The following LZIC variants were observed in gnomAD, a reference collection of about 807,000 sequenced individuals.
The protein encoded by LZIC is protein LZIC.
A neutral mutation model predicts 25.4 loss-of-function variants in LZIC; 28 were observed. The observed-to-expected ratio is 1.10, with a 90% CI of 0.82 to 1.51. LZIC has a LOEUF of 1.51. LZIC is among the 40% of genes most tolerant of loss of function. The pLI is 0.00. For synonymous variants in LZIC, 65 were observed against 70.7 expected (o/e 0.92, Z 0.40); for missense variants, 170 against 211.1 (o/e 0.81, Z 1.21).
rs907314553 is a variant in LZIC, at chr1:9,934,874, A to G, written c.238-14T>C. ...TGCCTGAATAGCCTAGAAACACAAG[A>G]AGGCAAAAACTAACCAAAATAGTCC... On this transcript the variant is annotated splice_polypyrimidine_tract_variant and intron_variant, in intron 4 of 7. Coordinates refer to ENST00000377223, the MANE Select transcript of LZIC (RefSeq NM_032368.5). 9 of 1,605,260 alleles carry G rather than the reference A, an allele frequency of 5.6e-6. No individual in the cohort carries two copies. The East Asian group carries it at 6.7e-5, about 12-fold the overall frequency.
At chr1:9,936,730 G>T in intron 2 of LZIC, 103 bp from the exon 3 acceptor site, 1 of 743,420 alleles carries the variant, frequency 1.3e-6, no homozygotes, top group Non-Finnish European at 2.2e-6. Context: ...ATGTTGCCCA[G>T]GCTGGTCTCG....
rs1640039309 is a variant in LZIC, at chr1:9,927,775, C to T, written c.*2624G>A. Reference sequence around the variant, plus strand: ...CTCGGCTCACCGAAACCTCTGCCTCCCAGGTTCAAGTGATTCTCCTGCCTC... The same window carrying T: ...CTCGGCTCACCGAAACCTCTGCCTCTCAGGTTCAAGTGATTCTCCTGCCTC... On this transcript the variant is annotated 3_prime_UTR_variant, in exon 8 of 8. Coordinates refer to ENST00000377223, the MANE Select transcript of LZIC (RefSeq NM_032368.5). 6.7e-6 allele frequency among the ~76,000 whole-genome samples: 1 copy of T among 150,296 alleles called. No homozygotes were observed. The highest frequency in any genetic ancestry group is 1.5e-5 in the Non-Finnish European group (1 of 67,788).
At chr1:9,922,280 A>G, downstream of LZIC, 2 of 985,144 alleles carry the variant, frequency 2.0e-6, no homozygotes, top group Non-Finnish European at 2.4e-6. Context: ...CTTTAACAGG[A>G]AGCTAATCTT....
At chr1:9,937,050 G>A (rs1640491424) in intron 2 of LZIC, among the ~76,000 whole-genome samples, 1 of 151,732 alleles carries the variant, frequency 6.6e-6, no homozygotes, top group African/African-American at 2.4e-5. Context: ...GATCACCTGA[G>A]GTCAGGAGTT....
intron 4 of LZIC, 95 bp downstream of exon 4, chr1:9,935,397 C>CA: frequency 7.3e-7 from 1 of 1,364,206 alleles, no homozygotes; most frequent in Non-Finnish European, 9.9e-7. Context: ...CACTGCACTC[C>CA]AGCCTGGGCG....
chr1:9,936,710 G>A, intron 2 of LZIC, 83 bp from the exon 3 acceptor site: 1 of 895,124 alleles, frequency 1.1e-6, no homozygotes, highest in Admixed American at 2.0e-5. Flanking sequence ...TGTAGAGACA[G>A]AGTCTCACTA....
In LZIC at chr1:9,929,822, A is replaced by G. The variant is rs1640133494; in HGVS notation, c.*577T>C. The G allele has an allele frequency of 1.0e-6, 1 of 984,004 alleles. No individual in the cohort carries two copies. Among genetic ancestry groups the G allele is most frequent in the Non-Finnish European group, 1.2e-6 (1 of 828,772 alleles). The allele number at this position is 984,004 out of a possible 1,614,324, so 61.0% of individuals were successfully genotyped here. ...TTAAATGGTACAGAAATAAAATTCA[A>G]AAGATACTAAACTGGGAGTCAGGAC... is the stretch of plus-strand genomic sequence containing the variant. On this transcript the variant is annotated 3_prime_UTR_variant, in exon 8 of 8. Transcript: ENST00000377223.
intron 1 of LZIC, 197 bp from the exon 2 acceptor site, chr1:9,942,979 C>T: frequency 2.8e-6 from 1 of 350,972 alleles, no homozygotes; most frequent in South Asian, 2.2e-5. Context: ...AATCCCGCAT[C>T]CGGACACGCC....
At chr1:9,932,104 G>GT in intron 6 of LZIC, 132 bp from the exon 7 acceptor site, 1 of 14,642 alleles carries the variant, frequency 6.8e-5, no homozygotes. Flanking sequence ...GGAGGCGTGG[G>GT]GGGGGGGGGG....
intron 2 of LZIC, 86 bp downstream of exon 2, chr1:9,942,538 A>G: frequency 1.9e-6 from 1 of 524,102 alleles, no homozygotes. Context: ...TAGTCACTAA[A>G]TGTGGTGCAC....
In LZIC at chr1:9,926,858, T is replaced by C. The variant is rs751111567; in HGVS notation, c.*3541A>G. ...AGAAGTGGAAGAGAAACACAGTTTA[T>C]AAGTCATTTAATAACTATAATTGCA... On this transcript the variant is annotated 3_prime_UTR_variant, in exon 8 of 8. Transcript: ENST00000377223. 2.6e-5 allele frequency among the ~76,000 whole-genome samples: 4 copies of C among 152,256 alleles called. No individual in the cohort carries two copies. Among genetic ancestry groups the C allele is most frequent in the Non-Finnish European group, 5.9e-5 (4 of 68,048 alleles).
At chr1:9,934,624 A>G in intron 5 of LZIC, 138 bp downstream of exon 5, 1 of 721,554 alleles carries the variant, frequency 1.4e-6, no homozygotes, top group South Asian at 1.7e-5. Flanking sequence ...TAATTGCTCA[A>G]AGTACTAATT....
At chr1:9,936,694 A>AT in intron 2 of LZIC, 67 bp from the exon 3 acceptor site, 2 of 1,082,240 alleles carry the variant, frequency 1.8e-6, no homozygotes, top group Non-Finnish European at 2.8e-6. Flanking sequence ...TTTAAGTTTT[A>AT]TTTTTTGTAG....
At chr1:9,942,545 G>T in intron 2 of LZIC, 79 bp downstream of exon 2, 1 of 578,594 alleles carries the variant, frequency 1.7e-6, no homozygotes, top group Non-Finnish European at 2.7e-6. Context: ...TAAATGTGGT[G>T]CACTTTTCAC....
chr1:9,929,737 T>G lies in LZIC; in HGVS notation c.*662A>C. The G allele has an allele frequency of 2.0e-6, 2 of 985,396 alleles. No individual in the cohort carries two copies. Among genetic ancestry groups the G allele is most frequent in the Non-Finnish European group, 2.4e-6 (2 of 829,890 alleles). The allele number at this position is 985,396 out of a possible 1,614,324, so 61.0% of individuals were successfully genotyped here. A position where few individuals can be genotyped will look rare whatever the true frequency, so the allele number is the denominator to read the frequency against. ...GGTCCCTTAGTGTGCAGTCCACTTT[T>G]TATTGGGACACTGAATTTTCAAAAA... On this transcript the variant is annotated 3_prime_UTR_variant, in exon 8 of 8. Transcript: ENST00000377223.
At chr1:9,932,043 T>C (rs1640235821) in intron 6 of LZIC, 71 bp from the exon 7 acceptor site, 1 of 1,095,820 alleles carries the variant, frequency 9.1e-7, no homozygotes, top group Non-Finnish European at 1.3e-6. Context: ...CAGGTAAGAA[T>C]GTCTTAGGAG....
chr1:9,922,286 A>G, downstream of LZIC: 1 of 985,258 alleles, frequency 1.0e-6, no homozygotes, highest in Non-Finnish European at 1.2e-6. Flanking sequence ...CAGGAAGCTA[A>G]TCTTGCTGGG....
chr1:9,930,250 A>G lies in LZIC; in HGVS notation c.*149T>C. 10 of 1,509,702 alleles carry G rather than the reference A, an allele frequency of 6.6e-6. No individual in the cohort carries two copies. Among genetic ancestry groups the G allele is most frequent in the Non-Finnish European group, 7.9e-6 (9 of 1,132,554 alleles). The allele number at this position is 1,509,702 out of a possible 1,614,324, so 93.5% of individuals were successfully genotyped here. A position where few individuals can be genotyped will look rare whatever the true frequency, so the allele number is the denominator to read the frequency against. ...GCACAATGATGAAGAGCATAAACAC[A>G]AGCCATAAGTATATTTTTATGTCGC... On this transcript the variant is annotated 3_prime_UTR_variant, in exon 8 of 8. Coordinates refer to ENST00000377223, the MANE Select transcript of LZIC (RefSeq NM_032368.5).
chr1:9,922,179 C>T (rs1047192375), downstream of LZIC: 60 of 480,826 alleles, frequency 1.2e-4, 1 homozygote, highest in Non-Finnish European at 2.4e-5. Flanking sequence ...TTCCCAAAAG[C>T]GCTTACATCA....
Sources: gnomAD v4.1 joint callset for allele counts (sites outside exome capture counted in the v4.1 genomes callset) on GRCh38, gnomAD v4.1.1 for gene constraint, MANE v1.5 for transcripts, NCBI Gene and HGNC (gene_info 2026-07-23, HGNC 2026-07-21) for gene names.